EYA1: variants seen among roughly 807,000 people sequenced by gnomAD.
EYA1 encodes protein phosphatase EYA1.
In EYA1, 16 loss-of-function variants were observed where a neutral mutation model predicts 82.0. That is an observed-to-expected ratio of 0.20 (90% CI 0.13 to 0.30). The LOEUF is 0.30. Among genes scored for constraint, EYA1 ranks in the 10% least tolerant of loss-of-function variants. EYA1 has a pLI of 1.00. For synonymous variants in EYA1, 261 were observed against 264.4 expected, an observed-to-expected ratio of 0.99 and a Z score of 0.12; for missense variants, 633 against 730.7, an observed-to-expected ratio of 0.87 and a Z score of 1.54.
At chr8:71,534,759 G>A (rs1305496962) in intron 2 of EYA1, among the ~76,000 whole-genome samples, 3 of 152,112 alleles carry the variant, frequency 2.0e-5, no homozygotes, top group African/African-American at 4.8e-5. Context: ...TTGCAGGGCT[G>A]GGGGTGAGGG....
chr8:71,336,217 CTT>C, intron 3 of EYA1, among the ~76,000 whole-genome samples: 1 of 152,252 alleles, frequency 6.6e-6, no homozygotes, highest in East Asian at 1.9e-4. Flanking sequence ...ATAAGTGGGA[CTT>C]TCCAATAGTA....
chr8:71,410,157 A>G (rs924145169), intron 2 of EYA1, among the ~76,000 whole-genome samples: 1 of 149,486 alleles, frequency 6.7e-6, no homozygotes, highest in African/African-American at 2.5e-5. Flanking sequence ...ATGCAGAAAA[A>G]GCCTTTGACA....
At chr8:71,294,424 C>A (rs2120997) in intron 9 of EYA1, among the ~76,000 whole-genome samples, 88,612 of 151,566 alleles carry the variant, frequency 0.58, 26,545 homozygotes, top group East Asian at 0.83. Context: ...AGCGCCACGC[C>A]CTCCAGCCTG....
chr8:71,422,836 C>CA (rs911870119), intron 2 of EYA1, among the ~76,000 whole-genome samples: 2 of 151,932 alleles, frequency 1.3e-5, no homozygotes, highest in Non-Finnish European at 2.9e-5. Context: ...AATTACCCCC[C>CA]ACGGGATCCC....
At chr8:71,381,842 A>C (rs1456097317) in intron 2 of EYA1, among the ~76,000 whole-genome samples, 2 of 152,150 alleles carry the variant, frequency 1.3e-5, no homozygotes, top group Non-Finnish European at 2.9e-5. Context: ...TCAGTGTATC[A>C]TTTGGGGATT....
intron 3 of EYA1, among the ~76,000 whole-genome samples, chr8:71,346,450 AT>A: frequency 7.4e-6 from 1 of 134,820 alleles, no homozygotes; most frequent in South Asian, 2.3e-4. Flanking sequence ...ATATATATAT[AT>A]ATATCTATAT....
At chr8:71,535,041 C>A (rs1814606843) in intron 2 of EYA1, among the ~76,000 whole-genome samples, 1 of 151,850 alleles carries the variant, frequency 6.6e-6, no homozygotes, top group South Asian at 2.1e-4. Flanking sequence ...TGGAAATTTT[C>A]CGAGAAAACA....
intron 2 of EYA1, among the ~76,000 whole-genome samples, chr8:71,534,290 A>G (rs2129286676): frequency 1.3e-5 from 2 of 152,364 alleles, no homozygotes; most frequent in East Asian, 3.9e-4. Flanking sequence ...CAGACCCAAC[A>G]TAGGAGTTTA....
At chr8:71,208,799 A>G (rs1331357745) in intron 17 of EYA1, among the ~76,000 whole-genome samples, 1 of 152,230 alleles carries the variant, frequency 6.6e-6, no homozygotes, top group Non-Finnish European at 1.5e-5. Flanking sequence ...AATACTTTCA[A>G]TTCTAACCTG....
intron 3 of EYA1, among the ~76,000 whole-genome samples, chr8:71,345,436 A>G (rs1163229916): frequency 1.3e-5 from 2 of 152,212 alleles, no homozygotes; most frequent in Non-Finnish European, 2.9e-5. Flanking sequence ...AGTATTCATC[A>G]TCATACTTGG....
chr8:71,477,627 A>G (rs1026206368), intron 2 of EYA1, among the ~76,000 whole-genome samples: 1 of 151,872 alleles, frequency 6.6e-6, no homozygotes, highest in Admixed American at 6.6e-5. Context: ...GCAGTGGGGG[A>G]TGTGCAATGG....
intron 11 of EYA1, among the ~76,000 whole-genome samples, chr8:71,259,859 A>C (rs138373736): frequency 6.6e-6 from 1 of 152,204 alleles, no homozygotes; most frequent in Non-Finnish European, 1.5e-5. Flanking sequence ...CCATGAAAGT[A>C]TCTCTCCTTT....
intron 2 of EYA1, among the ~76,000 whole-genome samples, chr8:71,469,016 T>A (rs1329930964): frequency 6.6e-6 from 1 of 152,074 alleles, no homozygotes; most frequent in Non-Finnish European, 1.5e-5. Flanking sequence ...AGCAGTAAGG[T>A]TTAACTAATT....
chr8:71,293,630 T>C (rs1819243381), intron 9 of EYA1, among the ~76,000 whole-genome samples: 1 of 151,988 alleles, frequency 6.6e-6, no homozygotes, highest in East Asian at 1.9e-4. Context: ...ATAAGGCTGG[T>C]TCAACATTTG....
intron 2 of EYA1, among the ~76,000 whole-genome samples, chr8:71,413,332 C>T (rs1830701868): frequency 6.6e-6 from 1 of 152,188 alleles, no homozygotes; most frequent in Non-Finnish European, 1.5e-5. Context: ...TCCAATTGCC[C>T]TCTCAATATT....
intron 2 of EYA1, among the ~76,000 whole-genome samples, chr8:71,380,283 A>G (rs1211412450): frequency 1.3e-5 from 2 of 152,186 alleles, no homozygotes; most frequent in African/African-American, 2.4e-5. Context: ...GCTTGAACCT[A>G]TGTGCCCACG....
intron 16 of EYA1, among the ~76,000 whole-genome samples, chr8:71,213,044 G>C (rs912698660): frequency 6.6e-6 from 1 of 152,022 alleles, no homozygotes; most frequent in African/African-American, 2.4e-5. Flanking sequence ...CTCCAGCCTA[G>C]GTGACAGAAC....
intron 2 of EYA1, among the ~76,000 whole-genome samples, chr8:71,375,461 C>T (rs953762783): frequency 6.6e-6 from 1 of 151,878 alleles, no homozygotes; most frequent in African/African-American, 2.4e-5. Flanking sequence ...ATGAAAGAAA[C>T]AAATCCTCAA....
chr8:71,485,102 T>C (rs1788205610), intron 2 of EYA1, among the ~76,000 whole-genome samples: 1 of 152,240 alleles, frequency 6.6e-6, no homozygotes, highest in South Asian at 2.1e-4. Flanking sequence ...ATTTTCAAAC[T>C]GCTTATTGGT....
Sources: gnomAD v4.1 joint callset for allele counts (sites outside exome capture counted in the v4.1 genomes callset) on GRCh38, gnomAD v4.1.1 for gene constraint, MANE v1.5 for transcripts, NCBI Gene and HGNC (gene_info 2026-07-23, HGNC 2026-07-21) for gene names.